The following CEP192 variants were observed in gnomAD, a reference collection of about 807,000 sequenced individuals.
CEP192 encodes the protein centrosomal protein 192.
A neutral mutation model predicts 271.8 loss-of-function variants in CEP192; 151 were observed. The ratio of observed to expected loss-of-function variants is 0.56; its 90% CI spans 0.49 to 0.64. The LOEUF is 0.64. CEP192 is among the 30% of genes least tolerant of loss of function. The probability of loss-of-function intolerance (pLI) is 0.00; values close to 1 mark genes in which losing one functional copy is unlikely to be tolerated. For missense variants in CEP192, 2,910 were observed against 3,020.5 expected, an observed-to-expected ratio of 0.96 and a Z score of 0.86; for synonymous variants, 995 against 1,076.5, an observed-to-expected ratio of 0.92 and a Z score of 1.48.
Position 13,119,463 on chromosome 18 carries a change from C to G in CEP192, c.7475+1820C>G, listed in dbSNP as rs140018354. ...TACCTTAAAAAATATATTTTTTAGG[C>G]TGGGTGTGGTGGCTCACACCTGTAA... On this transcript the variant is annotated intron_variant, in intron 44 of 44. Coordinates refer to ENST00000506447, the MANE Select transcript of CEP192 (RefSeq NM_032142.4). Among the ~76,000 whole-genome samples the G allele has an allele frequency of 3.1e-3, 478 of 152,268 alleles. 1 individual carries two copies. The highest frequency in any genetic ancestry group is 5.6e-3 in the Non-Finnish European group (378 of 68,024).
rs1407170308 is a variant in CEP192, at chr18:13,055,950, T to A, written c.3360T>A (p.Thr1120=). The A allele has an allele frequency of 1.9e-6, 3 of 1,614,106 alleles. No individual in the cohort carries two copies. Among genetic ancestry groups the A allele is most frequent in the Non-Finnish European group, 2.5e-6 (3 of 1,180,052 alleles). The change falls in exon 19 of 45, where the codon ACT becomes ACA. Residue 1120 remains threonine, a synonymous_variant. Coordinates refer to ENST00000506447, the MANE Select transcript of CEP192 (RefSeq NM_032142.4). ...CTGATACAAGAAAAGCAACTGAAAC[T>A]ACTTCTCTGAGTAGCAAGCCTGAAT... ...NNSDTRKATE[T]TSLSSKPEYV...
chr18:13,100,019 G>T (rs990680572), intron 37 of CEP192, among the ~76,000 whole-genome samples: 6 of 152,192 alleles, frequency 3.9e-5, no homozygotes, highest in Non-Finnish European at 5.9e-5. Context: ...CATTGGTATA[G>T]AATTTTTCCA....
In CEP192 at chr18:13,038,471, A is replaced by G; in HGVS notation, c.1701A>G (p.Ser567=). 1 of 1,551,600 alleles carries G rather than the reference A, an allele frequency of 6.4e-7. No individual in the cohort carries two copies. Among genetic ancestry groups the G allele is most frequent in the Non-Finnish European group, 8.7e-7 (1 of 1,146,914 alleles). The change falls in exon 13 of 45, where the codon TCA becomes TCG. Residue 567 remains serine (S), a synonymous_variant. Coordinates refer to ENST00000506447, the MANE Select transcript of CEP192 (RefSeq NM_032142.4). ...YSLLRKSRST[S]DLDKDDASYL... The stretch of plus-strand genomic sequence containing the variant: ...TGTTGAGGAAATCACGTAGCACATC[A>G]GATTTGGATAAAGATGATGCCAGTT...
chr18:13,065,514 T>G (rs1255967531), intron 21 of CEP192, among the ~76,000 whole-genome samples: 2 of 152,220 alleles, frequency 1.3e-5, no homozygotes, highest in Non-Finnish European at 2.9e-5. Context: ...AGCAAAAATA[T>G]AGTCTGCAGT....
At position 13,025,118 on chromosome 18, in the gene CEP192, A is replaced by G. The variant is rs149836221; in HGVS notation, c.1051-4545A>G. ...GACTTTGAAAGTGATTAATTGATAT[A>G]GTTGGATTAATGTCTGCCATGTTGT... On this transcript the variant is annotated intron_variant, in intron 9 of 44. Coordinates refer to ENST00000506447, the MANE Select transcript of CEP192 (RefSeq NM_032142.4). Among the ~76,000 whole-genome samples, 293 of 152,142 alleles carry G rather than the reference A, an allele frequency of 1.9e-3. 1 individual carries two copies. The highest frequency in any genetic ancestry group is 6.6e-3 in the African/African-American group (275 of 41,510).
chr18:13,087,302 A>T, intron 31 of CEP192, 25 bp downstream of exon 31: 1 of 1,553,354 alleles, frequency 6.4e-7, no homozygotes, highest in South Asian at 1.2e-5. Flanking sequence ...TTCTGTGCTA[A>T]AAACATCAAC....
In CEP192 at chr18:13,089,584, C is replaced by A; in HGVS notation, c.6103+19C>A. ...ACTGAAGGTAAGAATTCCGGCGTGT[C>A]TTGATGTATTAAATCTTTTGGGTCA... On this transcript the variant is annotated intron_variant, in intron 33 of 44. Transcript: ENST00000506447. The A allele has an allele frequency of 1.7e-6, 2 of 1,182,842 alleles. No homozygotes were observed. The highest frequency in any genetic ancestry group is 2.5e-6 in the Non-Finnish European group (2 of 800,952). The allele number at this position is 1,182,842 out of a possible 1,614,324, so 73.3% of individuals were successfully genotyped here.
At chr18:13,041,897 G>A (rs2036229471) in intron 14 of CEP192, among the ~76,000 whole-genome samples, 1 of 152,124 alleles carries the variant, frequency 6.6e-6, no homozygotes, top group African/African-American at 2.4e-5. Context: ...TCAACTTATT[G>A]TATGTTTGTG....
At chr18:13,106,026 C>T (rs529838565) in intron 40 of CEP192, among the ~76,000 whole-genome samples, 10 of 152,234 alleles carry the variant, frequency 6.6e-5, no homozygotes, top group African/African-American at 2.4e-4. Flanking sequence ...ATCAAACTGC[C>T]AACGTCATTT....
At chr18:13,082,242 G>A (rs1268591881) in intron 30 of CEP192, among the ~76,000 whole-genome samples, 1 of 152,124 alleles carries the variant, frequency 6.6e-6, no homozygotes, top group Non-Finnish European at 1.5e-5. Flanking sequence ...GGGAGTCTAA[G>A]TCTCTTTGTA....
At chr18:13,067,243 A>G (rs1353805894) in intron 21 of CEP192, among the ~76,000 whole-genome samples, 1 of 152,154 alleles carries the variant, frequency 6.6e-6, no homozygotes, top group East Asian at 1.9e-4. Context: ...TGCCTAGGCT[A>G]TATGCAAATA....
At chr18:13,064,523 A>G (rs1156734935) in intron 21 of CEP192, among the ~76,000 whole-genome samples, 1 of 151,584 alleles carries the variant, frequency 6.6e-6, no homozygotes, top group Non-Finnish European at 1.5e-5. Flanking sequence ...GAGGCAGGAG[A>G]ATGACGTGAA....
At chr18:13,106,000 A>C (rs1473280914) in intron 40 of CEP192, among the ~76,000 whole-genome samples, 1 of 152,202 alleles carries the variant, frequency 6.6e-6, no homozygotes, top group Non-Finnish European at 1.5e-5. Context: ...AGCAGTCTAC[A>C]GTTAATGCTG....
intron 11 of CEP192, among the ~76,000 whole-genome samples, chr18:13,036,507 G>A (rs764482643): frequency 1.4e-4 from 21 of 152,228 alleles, no homozygotes; most frequent in Non-Finnish European, 3.1e-4. Flanking sequence ...CAGCCAGGCA[G>A]TCTAGCATCT....
chr18:13,077,651 C>G (rs969368237), intron 30 of CEP192, among the ~76,000 whole-genome samples: 4 of 152,172 alleles, frequency 2.6e-5, no homozygotes, highest in African/African-American at 9.7e-5. Context: ...GCTGCTTCCT[C>G]CGTTGACAAT....
At chr18:13,086,281 C>T (rs935853824) in intron 30 of CEP192, among the ~76,000 whole-genome samples, 2 of 152,198 alleles carry the variant, frequency 1.3e-5, no homozygotes, top group African/African-American at 4.8e-5. Context: ...AGATTTTGGA[C>T]TGAGACGATG....
At chr18:13,077,695 T>A (rs889240687) in intron 30 of CEP192, among the ~76,000 whole-genome samples, 1 of 152,160 alleles carries the variant, frequency 6.6e-6, no homozygotes, top group Non-Finnish European at 1.5e-5. Flanking sequence ...TGAGTTCTTA[T>A]CTTTAGCTTA....
chr18:13,080,095 C>T (rs1466969194), intron 30 of CEP192, among the ~76,000 whole-genome samples: 1 of 152,118 alleles, frequency 6.6e-6, no homozygotes, highest in Non-Finnish European at 1.5e-5. Context: ...GTTCTTTTGG[C>T]TTAGGATTGT....
At chr18:13,099,441 G>C (rs768955861) in intron 36 of CEP192, 35 bp from the exon 37 acceptor site, 1 of 1,054,558 alleles carries the variant, frequency 9.5e-7, no homozygotes, top group Non-Finnish European at 1.4e-6. Flanking sequence ...TAAAATGCAG[G>C]CTCTTTTTAA....
Sources: gnomAD v4.1 joint callset for allele counts (sites outside exome capture counted in the v4.1 genomes callset) on GRCh38, gnomAD v4.1.1 for gene constraint, MANE v1.5 for transcripts, NCBI Gene and HGNC (gene_info 2026-07-23, HGNC 2026-07-21) for gene names.